Variants in PCDHA1 observed in about 807,000 individuals in gnomAD.
The protein encoded by PCDHA1 is protocadherin alpha 1.
PCDHA1 carries 42 observed loss-of-function variants against 61.3 expected under a neutral mutation model. The ratio of observed to expected loss-of-function variants is 0.69; its 90% confidence interval spans 0.54 to 0.89. PCDHA1 has a LOEUF of 0.89. Among genes scored for constraint, PCDHA1 ranks in the 40% least tolerant of loss-of-function variants. PCDHA1 has a pLI of 0.00. For synonymous variants in PCDHA1, 610 were observed against 553.8 expected, an observed-to-expected ratio of 1.10 and a Z score of -1.43; for missense variants, 1,256 against 1,235.3, an observed-to-expected ratio of 1.02 and a Z score of -0.25.
At chr5:140,802,753 C>T (rs782212948) in intron 1 of PCDHA1, 1 of 1,612,542 alleles carries the variant, frequency 6.2e-7, no homozygotes. Context: ...AAGGTGTACG[C>T]GCTGCAGCCG....
intron 1 of PCDHA1, among the ~76,000 whole-genome samples, chr5:140,872,773 C>CTA (rs1354761914): frequency 6.6e-6 from 1 of 152,078 alleles, no homozygotes; most frequent in Non-Finnish European, 1.5e-5. Context: ...GCTATATTAT[C>CTA]TATAATATAT....
chr5:140,843,347 C>T, intron 1 of PCDHA1: 1 of 1,596,018 alleles, frequency 6.3e-7, no homozygotes. Flanking sequence ...CGGCCAGGCT[C>T]CAAAAGCGTC....
chr5:140,924,647 C>G (rs1396293249), intron 1 of PCDHA1, among the ~76,000 whole-genome samples: 1 of 152,132 alleles, frequency 6.6e-6, no homozygotes, highest in East Asian at 1.9e-4. Context: ...GTAATCCCAG[C>G]ACTTTGGGAG....
intron 1 of PCDHA1, chr5:140,868,910 T>C: frequency 2.3e-6 from 2 of 888,770 alleles, no homozygotes; most frequent in South Asian, 3.8e-5. Flanking sequence ...GCTCTTTACT[T>C]GGTGGAAAGT....
chr5:140,860,551 GA>G (rs781917307), intron 1 of PCDHA1: 4 of 152,042 alleles, frequency 2.6e-5, no homozygotes, highest in Non-Finnish European at 5.9e-5. Context: ...ACCCACCTTT[GA>G]AGAGGTACTG....
At chr5:140,856,750 C>T (rs1554149043) in intron 1 of PCDHA1, 2 of 1,596,152 alleles carry the variant, frequency 1.3e-6, no homozygotes, top group Non-Finnish European at 1.7e-6. Flanking sequence ...TGTTAGATGC[C>T]AATGATAACG....
chr5:140,991,885 A>G (rs1554252463), intron 3 of PCDHA1, among the ~76,000 whole-genome samples: 1 of 152,198 alleles, frequency 6.6e-6, no homozygotes, highest in Non-Finnish European at 1.5e-5. Context: ...GGCTGCCATA[A>G]CAAATTAACA....
intron 1 of PCDHA1, among the ~76,000 whole-genome samples, chr5:140,875,022 C>T (rs1267699693): frequency 6.6e-6 from 1 of 152,116 alleles, no homozygotes; most frequent in Non-Finnish European, 1.5e-5. Context: ...TAGGTTCTGG[C>T]CTACTGTATT....
rs1247544483 is a variant in PCDHA1, at chr5:140,836,573, C to T, written c.2394+47889C>T. 4.3e-6 allele frequency: 7 copies of T among 1,613,572 alleles called. 1 individual carries two copies. Among genetic ancestry groups the T allele is most frequent in the Non-Finnish European group, 5.9e-6 (7 of 1,179,840 alleles). ...GGTGCTCAGCGCCGTCCTCTGAGGGCGCATGTAGTTTGGTAAAGCCCACTC... is the reference window on the plus strand; with the variant it reads ...GGTGCTCAGCGCCGTCCTCTGAGGGTGCATGTAGTTTGGTAAAGCCCACTC... On this transcript the variant is annotated intron_variant, in intron 1 of 3. Coordinates refer to ENST00000504120, the MANE Select transcript of PCDHA1 (RefSeq NM_018900.4).
chr5:140,969,863 C>G (rs1305470999), intron 1 of PCDHA1, among the ~76,000 whole-genome samples: 2 of 152,156 alleles, frequency 1.3e-5, no homozygotes, highest in Non-Finnish European at 2.9e-5. Context: ...CTGGTACTTG[C>G]ACTGAACCTA....
At chr5:140,882,511 T>C (rs782672669) in intron 1 of PCDHA1, 2 of 1,614,128 alleles carry the variant, frequency 1.2e-6, no homozygotes, top group Admixed American at 3.3e-5. Flanking sequence ...ATCTGCAGAA[T>C]GGCATTTTGT....
intron 1 of PCDHA1, among the ~76,000 whole-genome samples, chr5:140,937,540 C>T (rs2091570481): frequency 2.0e-5 from 3 of 152,116 alleles, no homozygotes; most frequent in East Asian, 3.9e-4. Flanking sequence ...TTGCTTGAAC[C>T]TGCGAGGCAG....
intron 1 of PCDHA1, chr5:140,882,018 A>G (rs2058907575): frequency 1.8e-6 from 1 of 559,242 alleles, no homozygotes; most frequent in South Asian, 4.1e-5. Flanking sequence ...AAAATACTAC[A>G]TCAATGGAAA....
intron 3 of PCDHA1, among the ~76,000 whole-genome samples, chr5:140,988,398 C>A (rs531157517): frequency 1.3e-5 from 2 of 152,238 alleles, no homozygotes; most frequent in Non-Finnish European, 2.9e-5. Context: ...TGCCAGAGTT[C>A]TCTTCGCAGC....
At chr5:140,818,133 G>A (rs1433395378) in intron 1 of PCDHA1, among the ~76,000 whole-genome samples, 10 of 152,200 alleles carry the variant, frequency 6.6e-5, no homozygotes, top group Non-Finnish European at 8.8e-5. Flanking sequence ...AGATTTAGCA[G>A]TATGCCTTCA....
chr5:140,948,158 A>C lies in PCDHA1; in HGVS notation c.2395-30791A>C, dbSNP rs191151506. On this transcript the variant is annotated intron_variant, in intron 1 of 3. Transcript: ENST00000504120. The stretch of plus-strand genomic sequence containing the variant: ...TAATTGATTTTTGAATGTTGGAAAA[A>C]ACCTTCCATTCCTAGGGTAAATCCC... Among the ~76,000 whole-genome samples the C allele has an allele frequency of 2.8e-3, 418 of 151,676 alleles. 1 individual carries two copies. The highest frequency in any genetic ancestry group is 0.014 in the Middle Eastern group (4 of 294).
At chr5:140,938,538 AT>A (rs1278860544) in intron 1 of PCDHA1, among the ~76,000 whole-genome samples, 1 of 135,490 alleles carries the variant, frequency 7.4e-6, no homozygotes, top group Non-Finnish European at 1.6e-5. Context: ...GATAATATGG[AT>A]TTTTATCCTT....
intron 1 of PCDHA1, among the ~76,000 whole-genome samples, chr5:140,900,367 T>C (rs1554189080): frequency 6.6e-6 from 1 of 152,152 alleles, no homozygotes; most frequent in Non-Finnish European, 1.5e-5. Context: ...AACCTCTGCC[T>C]CCTGGGTTCA....
chr5:140,837,740 G>T (rs1328705494), intron 1 of PCDHA1, among the ~76,000 whole-genome samples: 2 of 151,462 alleles, frequency 1.3e-5, no homozygotes, highest in Non-Finnish European at 2.9e-5. Flanking sequence ...GCAGTGGTGG[G>T]ATTATAGCCC....
Sources: gnomAD v4.1 joint callset for allele counts (sites outside exome capture counted in the v4.1 genomes callset) on GRCh38, gnomAD v4.1.1 for gene constraint, MANE v1.5 for transcripts, NCBI Gene and HGNC (gene_info 2026-07-23, HGNC 2026-07-21) for gene names.